The following PLBD1 variants were observed in gnomAD, a reference collection of about 807,000 sequenced individuals.
The protein encoded by PLBD1 is lysosomal leucine aminopeptidase.
PLBD1 carries 60 observed loss-of-function variants against 63.0 expected under a neutral mutation model. That is an observed-to-expected ratio of 0.95 (90% CI 0.77 to 1.18). The LOEUF (loss-of-function observed/expected upper bound fraction) is 1.18. Ranked by LOEUF, PLBD1 falls within the 50% of genes most tolerant of loss-of-function variation. The pLI is 0.00. For missense variants in PLBD1, 598 were observed against 677.9 expected (o/e 0.88, Z 1.31); for synonymous variants, 262 against 248.0 (o/e 1.06, Z -0.53).
chr12:14,530,019 G>C (rs184502469), intron 6 of PLBD1: 352 of 152,282 alleles, frequency 2.3e-3, no homozygotes, highest in African/African-American at 8.2e-3. Context: ...CCTTGAATGT[G>C]GGCTGGTCAT....
At chr12:14,550,672 A>G (rs1358329535) in intron 2 of PLBD1, among the ~76,000 whole-genome samples, 1 of 152,088 alleles carries the variant, frequency 6.6e-6, no homozygotes, top group Non-Finnish European at 1.5e-5. Context: ...TGAGGTCAGG[A>G]GTTCGAGACC....
chr12:14,541,626 T>G (rs1184743736), intron 3 of PLBD1, among the ~76,000 whole-genome samples: 3 of 152,212 alleles, frequency 2.0e-5, no homozygotes, highest in Non-Finnish European at 4.4e-5. Context: ...TATAGGACTT[T>G]AAGCATTTCA....
At chr12:14,537,993 T>A (rs1364666747) in intron 4 of PLBD1, among the ~76,000 whole-genome samples, 1 of 152,100 alleles carries the variant, frequency 6.6e-6, no homozygotes, top group Non-Finnish European at 1.5e-5. Flanking sequence ...TATTTTTCCC[T>A]ACTGGCACTG....
At chr12:14,552,482 G>T (rs1945667116) in intron 2 of PLBD1, among the ~76,000 whole-genome samples, 1 of 152,158 alleles carries the variant, frequency 6.6e-6, no homozygotes, top group Admixed American at 6.5e-5. Flanking sequence ...GGAAATAAAT[G>T]CACCAACCGT....
rs998949099 is a variant in PLBD1 at position 14,550,930 on chromosome 12, C to A, written c.335+2263G>T. Among the ~76,000 whole-genome samples the A allele has an allele frequency of 4.0e-5, 6 of 151,898 alleles. No homozygotes were observed. The East Asian group carries it at 1.2e-3, about 29-fold the overall frequency. ...TGGTGGCTCACACCTGTAGGCTCAA[C>A]TACTGTGGAGGCTAAGGTGGGAAGA... On this transcript the variant is annotated intron_variant, in intron 2 of 10. Transcript: ENST00000240617.
intron 2 of PLBD1, among the ~76,000 whole-genome samples, chr12:14,549,121 T>C (rs1174933191): frequency 3.3e-5 from 5 of 152,214 alleles, no homozygotes; most frequent in Admixed American, 3.3e-4. Flanking sequence ...CACACTCCAT[T>C]ACATGGAAAT....
At position 14,540,868 on chromosome 12, in the gene PLBD1, C is replaced by A. The variant is rs1945565986; in HGVS notation, c.454G>T (p.Glu152Ter). The A allele has an allele frequency of 1.2e-6, 2 of 1,602,958 alleles. No homozygotes were observed. The highest frequency in any genetic ancestry group is 1.7e-6 in the Non-Finnish European group (2 of 1,172,270). The change falls in exon 4 of 11, where the codon GAA becomes TAA. Residue 152 changes from glutamate (E) to a stop codon, truncating the protein, a stop_gained. Transcript: ENST00000240617. LOFTEE classifies it high-confidence loss of function. ...CTCCAAAATGAATCAGTCTTGTATTCTTTGATATTTTTCCGGGTCCACTTA... is the reference window on the plus strand; with the variant it reads ...CTCCAAAATGAATCAGTCTTGTATTATTTGATATTTTTCCGGGTCCACTTA... ...QDKWTRKNIK[E>*]YKTDSFWRHT...
chr12:14,524,930 A>C (rs1343880420), intron 6 of PLBD1, among the ~76,000 whole-genome samples: 1 of 152,258 alleles, frequency 6.6e-6, no homozygotes. Context: ...TGTATACTTC[A>C]ACAGTAAATT....
chr12:14,523,640 A>C (rs10846015), intron 6 of PLBD1, among the ~76,000 whole-genome samples: 46,733 of 152,096 alleles, frequency 0.31, 8,253 homozygotes, highest in East Asian at 0.57. Context: ...CATATATACT[A>C]ATAAGACAGA....
At chr12:14,509,424 T>C (rs1467518107) in intron 8 of PLBD1, among the ~76,000 whole-genome samples, 2 of 152,342 alleles carry the variant, frequency 1.3e-5, no homozygotes, top group East Asian at 3.9e-4. Context: ...AGCTGGGTTC[T>C]CTGTTTTGAA....
chr12:14,560,614 T>C (rs1261652493), intron 1 of PLBD1, among the ~76,000 whole-genome samples: 1 of 152,222 alleles, frequency 6.6e-6, no homozygotes, highest in Non-Finnish European at 1.5e-5. Context: ...TACCTGGTTT[T>C]TGGATTTGTT....
At chr12:14,538,286 T>C (rs888778178) in intron 4 of PLBD1, among the ~76,000 whole-genome samples, 5 of 152,104 alleles carry the variant, frequency 3.3e-5, no homozygotes. Flanking sequence ...CTCCGCATCC[T>C]GAGTTCAAGC....
rs35613344 is a variant in PLBD1, at chr12:14,558,049, CAA to C, written c.116-4639_116-4638del. Among the ~76,000 whole-genome samples the C allele has an allele frequency of 3.2e-3, 295 of 93,540 alleles. 2 individuals carry two copies. Among genetic ancestry groups the C allele is most frequent in the Admixed American group, 6.2e-3 (59 of 9,454 alleles). 61.4% of individuals were successfully genotyped at this position (93,540 alleles called of 152,430 possible). ...TATACACAATGAAATACTACGTAGC[CAA>C]AAAAAAAAAAAAAAAAGACTGTCTA... On this transcript the variant is annotated intron_variant, in intron 1 of 10. Transcript: ENST00000240617.
chr12:14,527,707 A>AT (rs992232626), intron 6 of PLBD1, among the ~76,000 whole-genome samples: 3 of 152,174 alleles, frequency 2.0e-5, no homozygotes, highest in Non-Finnish European at 2.9e-5. Flanking sequence ...ACCTTCCTTT[A>AT]TTGGCCCTTA....
chr12:14,509,932 C>A (rs546635204), intron 8 of PLBD1, among the ~76,000 whole-genome samples: 1 of 152,172 alleles, frequency 6.6e-6, no homozygotes, highest in South Asian at 2.1e-4. Context: ...TGTAGAGTTC[C>A]ACACTCCCAC....
At chr12:14,565,822 G>A (rs1273915155) in intron 1 of PLBD1, among the ~76,000 whole-genome samples, 1 of 152,150 alleles carries the variant, frequency 6.6e-6, no homozygotes, top group Non-Finnish European at 1.5e-5. Flanking sequence ...TTAACACCTA[G>A]GTAAGTAAGA....
At chr12:14,538,955 G>A (rs1945543014) in intron 4 of PLBD1, among the ~76,000 whole-genome samples, 1 of 152,146 alleles carries the variant, frequency 6.6e-6, no homozygotes, top group Admixed American at 6.5e-5. Flanking sequence ...GAGTCCAGGA[G>A]GCGGAGGTTG....
chr12:14,508,398 C>T (rs780514687), intron 8 of PLBD1, among the ~76,000 whole-genome samples: 1 of 152,190 alleles, frequency 6.6e-6, no homozygotes, highest in Non-Finnish European at 1.5e-5. Context: ...TTATATTTCT[C>T]TTTGTGAAAA....
chr12:14,519,855 C>G (rs1291669612), intron 6 of PLBD1, among the ~76,000 whole-genome samples: 1 of 152,144 alleles, frequency 6.6e-6, no homozygotes, highest in Non-Finnish European at 1.5e-5. Context: ...TAGCCCATAC[C>G]CAACTCTAGT....
Sources: gnomAD v4.1 joint callset for allele counts (sites outside exome capture counted in the v4.1 genomes callset) on GRCh38, gnomAD v4.1.1 for gene constraint, MANE v1.5 for transcripts, NCBI Gene and HGNC (gene_info 2026-07-23, HGNC 2026-07-21) for gene names.